Variants in TRPM1 observed in about 807,000 individuals in gnomAD.
The protein encoded by TRPM1 is TRPM1-203 APA Isoform, Intron 10.
Under a neutral mutation model 149.4 loss-of-function variants are expected in TRPM1, and 113 were observed. The ratio of observed to expected loss-of-function variants is 0.76; its 90% CI spans 0.65 to 0.88. TRPM1 has a LOEUF of 0.88. TRPM1 is among the 40% of genes least tolerant of loss of function. TRPM1 has a pLI of 0.00. For synonymous variants in TRPM1, 741 were observed against 759.5 expected (o/e 0.98, Z 0.40); for missense variants, 1,976 against 2,038.7 (o/e 0.97, Z 0.59).
chr15:31,065,914 T>A (rs1360383406), intron 7 of TRPM1, among the ~76,000 whole-genome samples, 162 bp downstream of exon 7: 1 of 152,184 alleles, frequency 6.6e-6, no homozygotes, highest in East Asian at 1.9e-4. Flanking sequence ...TGTGATTTGG[T>A]AGGTGGCTAA....
chr15:31,029,320 A>T (rs767901045), intron 24 of TRPM1, 51 bp downstream of exon 24: 1 of 1,586,324 alleles, frequency 6.3e-7, no homozygotes, highest in Non-Finnish European at 8.7e-7. Context: ...GGAAAAGGTA[A>T]TTGAAAAACA....
intron 1 of TRPM1, among the ~76,000 whole-genome samples, chr15:31,127,677 G>A (rs767640015): frequency 7.2e-5 from 11 of 152,148 alleles, no homozygotes; most frequent in Non-Finnish European, 1.5e-4. Context: ...TACTTGGGTG[G>A]GACAGGGTGG....
At chr15:31,113,252 T>G (rs376588226) in intron 1 of TRPM1, among the ~76,000 whole-genome samples, 8 of 152,050 alleles carry the variant, frequency 5.3e-5, no homozygotes, top group Non-Finnish European at 8.8e-5. Context: ...AAGGGAGGGC[T>G]CCACAGGACA....
rs747730309 is a variant in TRPM1 at position 31,001,908 on chromosome 15, C to G, written c.4792G>C (p.Val1598Leu). The part of the protein sequence containing the change: ...KLDRSGHASS[V>L]SSLVIVSGMT... ...CCAGACACAATTACTAAGCTGCTTA[C>G]ACTACTGGCATGTCCAGATCTGTCT... The change falls in exon 28 of 28, where the codon GTA becomes CTA. Residue 1598 changes from valine (V) to leucine (L), a missense_variant. Physicochemically the swap from Val to Leu is conservative, Grantham distance 32 (BLOSUM62 1). This residue lies in a region of TRPM1 where 572 missense variants were observed against 578.9 expected (regional missense o/e 0.99). Transcript: ENST00000256552. 6.8e-6 allele frequency: 11 copies of G among 1,613,988 alleles called. No homozygotes were observed. The highest frequency in any genetic ancestry group is 8.5e-6 in the Non-Finnish European group (10 of 1,180,022).
intron 3 of TRPM1, among the ~76,000 whole-genome samples, chr15:31,072,073 C>A (rs2034575905): frequency 7.3e-6 from 1 of 136,882 alleles, no homozygotes; most frequent in African/African-American, 2.8e-5. Context: ...TTAGTATTGA[C>A]AGATATGTGC....
At chr15:31,113,840 A>T (rs2338853) in intron 1 of TRPM1, among the ~76,000 whole-genome samples, 1 of 151,514 alleles carries the variant, frequency 6.6e-6, no homozygotes, top group African/African-American at 2.4e-5. Flanking sequence ...TGTGAACAGC[A>T]AAACAACGAC....
At position 31,113,855 on chromosome 15, in the gene TRPM1, CCA is replaced by C. The variant is rs1386942461; in HGVS notation, c.55-36873_55-36872del. Reference sequence around the variant, plus strand: ...TGTGAACAGCAAAACAACGACGCTCCCACACGCTGGAAGGGTACCGAGCAAAT... The same window carrying C: ...TGTGAACAGCAAAACAACGACGCTCCCACGCTGGAAGGGTACCGAGCAAAT... On this transcript the variant is annotated intron_variant, in intron 1 of 26. Coordinates refer to the TRPM1 transcript ENST00000542188. Among the ~76,000 whole-genome samples the C allele has an allele frequency of 1.6e-3, 239 of 152,264 alleles. 2 individuals carry two copies. Among genetic ancestry groups the C allele is most frequent in the African/African-American group, 5.6e-3 (231 of 41,558 alleles).
intron 1 of TRPM1, among the ~76,000 whole-genome samples, chr15:31,113,342 A>G (rs1175466469): frequency 1.3e-5 from 2 of 152,134 alleles, no homozygotes; most frequent in Non-Finnish European, 1.5e-5. Context: ...AAAGACTTGG[A>G]AAGAGCCAGG....
intron 1 of TRPM1, among the ~76,000 whole-genome samples, chr15:31,082,718 T>C (rs1362158498): frequency 6.6e-6 from 1 of 152,158 alleles, no homozygotes; most frequent in Non-Finnish European, 1.5e-5. Context: ...GAAAGAAATA[T>C]CTGCTACAAA....
At chr15:31,140,907 C>T (rs1386885652) in intron 1 of TRPM1, among the ~76,000 whole-genome samples, 1 of 152,062 alleles carries the variant, frequency 6.6e-6, no homozygotes, top group Non-Finnish European at 1.5e-5. Context: ...CTGCAACCTC[C>T]AACTCCTGGG....
chr15:31,110,908 C>T (rs1020647778), intron 1 of TRPM1, among the ~76,000 whole-genome samples: 17 of 149,590 alleles, frequency 1.1e-4, no homozygotes, highest in African/African-American at 4.3e-4. Flanking sequence ...TCTCTCCCCC[C>T]CCTTCCCTCC....
chr15:31,147,142 A>G (rs1024056379), intron 1 of TRPM1, among the ~76,000 whole-genome samples: 4 of 152,208 alleles, frequency 2.6e-5, no homozygotes, highest in Admixed American at 6.5e-5. Flanking sequence ...TAGAATTGCA[A>G]ATAAAGCCAG....
chr15:31,069,933 C>A lies in TRPM1; in HGVS notation c.279+98G>T. On this transcript the variant is annotated intron_variant, in intron 4 of 27. Transcript: ENST00000256552. The stretch of plus-strand genomic sequence containing the variant: ...AATATCTAGGAAGATTGAGCCACAG[C>A]CATGAAGAAGACCAGGTATCTGCAG... 15 of 1,611,460 alleles carry A rather than the reference C, an allele frequency of 9.3e-6. 1 individual carries two copies. The highest frequency in any genetic ancestry group is 1.2e-5 in the Non-Finnish European group (14 of 1,179,868).
intron 1 of TRPM1, among the ~76,000 whole-genome samples, chr15:31,145,677 G>A (rs1435502710): frequency 1.3e-5 from 2 of 152,160 alleles, no homozygotes; most frequent in Non-Finnish European, 2.9e-5. Context: ...CTGTGCAGTT[G>A]CTGACATTTC....
intron 1 of TRPM1, among the ~76,000 whole-genome samples, chr15:31,089,313 T>A (rs9302157): frequency 0.44 from 65,715 of 147,830 alleles, 14,658 homozygotes; most frequent in East Asian, 0.82. Context: ...TATAGTTATG[T>A]TTTTTTGGTT....
chr15:31,098,692 C>T (rs114881657), intron 1 of TRPM1, among the ~76,000 whole-genome samples: 44 of 152,260 alleles, frequency 2.9e-4, no homozygotes, highest in East Asian at 1.7e-3. Flanking sequence ...CCAGGAGAGC[C>T]AGGGCCACCT....
chr15:31,060,483 C>T (rs1011379087), intron 11 of TRPM1, 61 bp downstream of exon 11: 1 of 1,388,696 alleles, frequency 7.2e-7, no homozygotes, highest in Admixed American at 1.7e-5. Context: ...GGAGAACATA[C>T]TAATAGGTCA....
chr15:31,155,407 T>C (rs1032628553), intron 1 of TRPM1, among the ~76,000 whole-genome samples: 2 of 152,224 alleles, frequency 1.3e-5, no homozygotes, highest in African/African-American at 2.4e-5. Flanking sequence ...AAGGGGAGTT[T>C]GCAGAAGTTC....
chr15:31,113,380 G>C (rs1416031942), intron 1 of TRPM1, among the ~76,000 whole-genome samples: 1 of 151,804 alleles, frequency 6.6e-6, no homozygotes, highest in Admixed American at 6.6e-5. Context: ...CAACCAACGG[G>C]GTTCTCCAAA....
Sources: gnomAD v4.1 joint callset for allele counts (sites outside exome capture counted in the v4.1 genomes callset) on GRCh38, gnomAD v4.1.1 for gene constraint, gnomAD v4.1.1 regional missense constraint, MANE v1.5 for transcripts, NCBI Gene and HGNC (gene_info 2026-07-23, HGNC 2026-07-21) for gene names.